MYOM1: variants seen among roughly 807,000 people sequenced by gnomAD.
The protein encoded by MYOM1 is myomesin-1.
A neutral mutation model predicts 205.3 loss-of-function variants in MYOM1; 164 were observed. The ratio of observed to expected loss-of-function variants is 0.80; its 90% CI spans 0.70 to 0.91. The LOEUF is 0.91. Among genes scored for constraint, MYOM1 ranks in the 40% least tolerant of loss-of-function variants. The probability of loss-of-function intolerance (pLI) is 0.00; values close to 1 mark genes in which losing one functional copy is unlikely to be tolerated. For missense variants in MYOM1, 2,011 were observed against 2,127.3 expected (o/e 0.95, Z 1.08); for synonymous variants, 772 against 789.4 (o/e 0.98, Z 0.37).
At chr18:3,114,284 C>T (rs1415835352) in intron 21 of MYOM1, among the ~76,000 whole-genome samples, 2 of 152,120 alleles carry the variant, frequency 1.3e-5, no homozygotes, top group African/African-American at 2.4e-5. Context: ...GTGACAGGGG[C>T]ACTCTCTGCT....
chr18:3,197,765 C>G (rs1598763117), intron 2 of MYOM1, among the ~76,000 whole-genome samples: 1 of 151,778 alleles, frequency 6.6e-6, no homozygotes, highest in Non-Finnish European at 1.5e-5. Flanking sequence ...CCCAGCTACT[C>G]GGGAGGCTGA....
intron 19 of MYOM1, among the ~76,000 whole-genome samples, chr18:3,123,731 C>T (rs954207927): frequency 6.6e-6 from 1 of 150,642 alleles, no homozygotes; most frequent in African/African-American, 2.4e-5. Flanking sequence ...ATATCAAGTG[C>T]AAAGGGCTAA....
intron 25 of MYOM1, among the ~76,000 whole-genome samples, chr18:3,094,761 A>C (rs1352431057): frequency 6.6e-6 from 1 of 151,514 alleles, no homozygotes; most frequent in African/African-American, 2.4e-5. Flanking sequence ...TCCTGGGTTC[A>C]GGCGATCCTC....
At chr18:3,220,733 T>C (rs9955283), upstream of MYOM1, among the ~76,000 whole-genome samples, 20,296 of 152,118 alleles carry the variant, frequency 0.13, 2,132 homozygotes, top group African/African-American at 0.29. Context: ...CTCCAGCAAT[T>C]TATTTCTCCT....
intron 19 of MYOM1, among the ~76,000 whole-genome samples, chr18:3,122,989 T>C (rs2079719422): frequency 6.6e-6 from 1 of 152,092 alleles, no homozygotes; most frequent in Non-Finnish European, 1.5e-5. Flanking sequence ...CATCACCACT[T>C]TAAAAAAAAA....
At chr18:3,080,088 T>G (rs943915407) in intron 33 of MYOM1, among the ~76,000 whole-genome samples, 1 of 152,206 alleles carries the variant, frequency 6.6e-6, no homozygotes, top group Admixed American at 6.5e-5. Flanking sequence ...CTTTTAATTA[T>G]GTTAAAAGAA....
Position 3,199,570 on chromosome 18 carries a change from G to A in MYOM1, c.291-5612C>T, listed in dbSNP as rs143982336. Among the ~76,000 whole-genome samples the A allele has an allele frequency of 8.4e-3, 1,280 of 152,080 alleles. 28 individuals are homozygous for A. The highest frequency in any genetic ancestry group is 0.029 in the African/African-American group (1,204 of 41,480). ...AATTACCTGCACACCGGCTGGGCAC[G>A]GTGGCTCACACCTGTAATCCCAGCA... On this transcript the variant is annotated intron_variant, in intron 2 of 37. Coordinates refer to ENST00000356443, the MANE Select transcript of MYOM1 (RefSeq NM_003803.4).
chr18:3,147,121 A>ATAT (rs1567933088), intron 13 of MYOM1, among the ~76,000 whole-genome samples: 1 of 139,980 alleles, frequency 7.1e-6, no homozygotes, highest in Non-Finnish European at 1.6e-5. Flanking sequence ...TTTATATATA[A>ATAT]ATATTATATA....
In MYOM1 at chr18:3,119,903, G is replaced by A. The variant is rs750152279; in HGVS notation, c.3084C>T (p.Cys1028=). Residue 1028 remains cysteine, a synonymous_variant, in exon 20 of 38, where the codon TGC becomes TGT. Coordinates refer to ENST00000356443, the MANE Select transcript of MYOM1 (RefSeq NM_003803.4). ...GLGAPSAVSE[C]FKCEEWTIAV... ...CGATGGTCCACTCTTCACATTTGAA[G>A]CATTCGCTTACTGCGGAGGGCGCGC... 10 of 1,612,788 alleles carry A rather than the reference G, an allele frequency of 6.2e-6. No homozygotes were observed. Among genetic ancestry groups the A allele is most frequent in the Non-Finnish European group, 8.5e-6 (10 of 1,179,360 alleles).
intron 1 of MYOM1, among the ~76,000 whole-genome samples, chr18:3,216,680 T>C (rs1255989964): frequency 6.6e-6 from 1 of 152,112 alleles, no homozygotes; most frequent in African/African-American, 2.4e-5. Flanking sequence ...GAAGGGCCAG[T>C]AGTGTAGGGT....
At chr18:3,190,976 GA>G (rs1431397093) in intron 3 of MYOM1, among the ~76,000 whole-genome samples, 1 of 151,380 alleles carries the variant, frequency 6.6e-6, no homozygotes, top group Non-Finnish European at 1.5e-5. Flanking sequence ...GCTAAACTTC[GA>G]AAAAAAACTA....
At chr18:3,067,767 C>G (rs1433490759) in intron 37 of MYOM1, among the ~76,000 whole-genome samples, 1 of 152,180 alleles carries the variant, frequency 6.6e-6, no homozygotes, top group South Asian at 2.1e-4. Context: ...TTTTAATGCT[C>G]CTCAAGGCCT....
rs1296357464 is a variant in MYOM1, at chr18:3,215,137, G to A, written c.87C>T (p.Tyr29=). 6.2e-7 allele frequency: 1 copy of A among 1,613,718 alleles called. No individual in the cohort carries two copies. The highest frequency in any genetic ancestry group is 1.3e-5 in the African/African-American group (1 of 74,922). Reference sequence around the variant, plus strand: ...CGGCGGAGCGTTTCTTCTCCCGCTGGTAGTGACTCACGGTGCTGCGCACGT... The same window carrying A: ...CGGCGGAGCGTTTCTTCTCCCGCTGATAGTGACTCACGGTGCTGCGCACGT... ...NKDVRSTVSH[Y]QREKKRSAVY... The change falls in exon 2 of 38, where the codon TAC becomes TAT. Residue 29 remains tyrosine (Y), a synonymous_variant. Coordinates refer to ENST00000356443, the MANE Select transcript of MYOM1 (RefSeq NM_003803.4).
At chr18:3,139,733 T>C (rs2080022281) in intron 14 of MYOM1, among the ~76,000 whole-genome samples, 1 of 152,214 alleles carries the variant, frequency 6.6e-6, no homozygotes, top group African/African-American at 2.4e-5. Context: ...CAGGCCTCCC[T>C]ACATAGTACT....
chr18:3,127,515 G>A (rs969216389), intron 18 of MYOM1, among the ~76,000 whole-genome samples: 16 of 151,566 alleles, frequency 1.1e-4, no homozygotes, highest in Admixed American at 4.6e-4. Context: ...CACCATGTTG[G>A]CTAGGCTGGT....
In MYOM1 at chr18:3,179,383, T is replaced by C. The variant is rs890475801; in HGVS notation, c.930-3249A>G. Among the ~76,000 whole-genome samples the C allele has an allele frequency of 6.6e-6, 1 of 152,136 alleles. No homozygotes were observed. The highest frequency in any genetic ancestry group is 2.4e-5 in the African/African-American group (1 of 41,402). On this transcript the variant is annotated intron_variant, in intron 5 of 37. Transcript: ENST00000356443. The surrounding 1 kb of genome is among the most constrained non-coding windows in gnomAD (Gnocchi z 4.4). Reference sequence around the variant, plus strand: ...TTATTTTAAATAAATAGCGATGAGGTCTCACTATGTTGCTCAAGTTGGTCT... The same window carrying C: ...TTATTTTAAATAAATAGCGATGAGGCCTCACTATGTTGCTCAAGTTGGTCT...
At chr18:3,074,411 C>G (rs2078997470) in intron 36 of MYOM1, among the ~76,000 whole-genome samples, 1 of 152,222 alleles carries the variant, frequency 6.6e-6, no homozygotes, top group Admixed American at 6.5e-5. Context: ...CTCCTTCTCC[C>G]TGTCCCCTTC....
chr18:3,213,511 G>T (rs147698474), intron 2 of MYOM1, among the ~76,000 whole-genome samples: 1 of 152,256 alleles, frequency 6.6e-6, no homozygotes, highest in East Asian at 1.9e-4. Context: ...TGAATATGAA[G>T]AAAATAAAAC....
intron 10 of MYOM1, among the ~76,000 whole-genome samples, chr18:3,156,989 G>A (rs1458823867): frequency 6.6e-6 from 1 of 152,188 alleles, no homozygotes; most frequent in African/African-American, 2.4e-5. Flanking sequence ...GAGCAGAGCT[G>A]CAGAGGAGGT....
Sources: allele counts gnomAD v4.1 joint callset (sites outside exome capture counted in the v4.1 genomes callset), GRCh38; gene constraint gnomAD v4.1.1; non-coding constraint Gnocchi (gnomAD v3.1); transcripts MANE v1.5; gene names NCBI Gene and HGNC (gene_info 2026-07-23, HGNC 2026-07-21).